Variants in PTK2B observed in about 807,000 individuals in gnomAD.
The protein encoded by PTK2B is protein-tyrosine kinase 2-beta.
PTK2B carries 71 observed loss-of-function variants against 142.9 expected under a neutral mutation model. That is an observed-to-expected ratio of 0.50 (90% CI 0.41 to 0.61). PTK2B has a LOEUF of 0.61. PTK2B is among the 20% of genes least tolerant of loss of function. The probability of loss-of-function intolerance (pLI) is 0.00; values close to 1 mark genes in which losing one functional copy is unlikely to be tolerated. For missense variants in PTK2B, 1,105 were observed against 1,320.4 expected (o/e 0.84, Z 2.53); for synonymous variants, 519 against 503.4 (o/e 1.03, Z -0.42).
rs1586234916 is a variant in PTK2B at position 27,397,831 on chromosome 8, G to C, written c.204+43G>C. 7 of 1,602,914 alleles carry C rather than the reference G, an allele frequency of 4.4e-6. No homozygotes were observed. In the East Asian group the frequency reaches 1.6e-4, roughly 36 times the overall value. ...GCCCTGTCCATCTGTCTGTCCCTCTGTCTTCTTCCTGGGCAGCTGAGCAGC... is the reference window on the plus strand; with the variant it reads ...GCCCTGTCCATCTGTCTGTCCCTCTCTCTTCTTCCTGGGCAGCTGAGCAGC... On this transcript the variant is annotated intron_variant, in intron 2 of 30. Transcript: ENST00000346049.
chr8:27,438,494 C>A (rs2132190432), intron 18 of PTK2B, among the ~76,000 whole-genome samples: 1 of 5,914 alleles, frequency 1.7e-4, no homozygotes, highest in East Asian at 7.5e-4. Flanking sequence ...CTCATGCGAT[C>A]CTGGTATCCT....
exon 1 of PTK2B, chr8:27,311,699 C>G (rs1196721846): frequency 5.8e-6 from 1 of 171,034 alleles, no homozygotes; most frequent in African/African-American, 2.4e-5. Flanking sequence ...GTGGCTGGGT[C>G]TTAAAGCACC....
At chr8:27,328,499 A>G (rs1236684503) in intron 1 of PTK2B, among the ~76,000 whole-genome samples, 3 of 152,202 alleles carry the variant, frequency 2.0e-5, no homozygotes, top group Non-Finnish European at 2.9e-5. Flanking sequence ...TAGGTTAAAA[A>G]TGGTCCTTCT....
chr8:27,342,114 C>T (rs1804438129), intron 1 of PTK2B, among the ~76,000 whole-genome samples: 1 of 152,088 alleles, frequency 6.6e-6, no homozygotes, highest in East Asian at 1.9e-4. Context: ...AGAACCACTG[C>T]AGTGGAGGTC....
intron 2 of PTK2B, among the ~76,000 whole-genome samples, chr8:27,413,895 A>G (rs540337495): frequency 1.3e-5 from 2 of 152,306 alleles, no homozygotes; most frequent in East Asian, 3.9e-4. Flanking sequence ...TTGGCATTCT[A>G]CACAAGGAAG....
At chr8:27,320,426 C>A (rs539723458) in intron 3 of PTK2B, among the ~76,000 whole-genome samples, 1 of 152,278 alleles carries the variant, frequency 6.6e-6, no homozygotes, top group East Asian at 1.9e-4. Context: ...CCCAACTCCC[C>A]ACCCTGCCAC....
chr8:27,311,012 A>T, upstream of PTK2B: 1 of 1,610,864 alleles, frequency 6.2e-7, no homozygotes, highest in Non-Finnish European at 8.5e-7. Context: ...CAGGTTGTTG[A>T]GGGTGTGGTT....
At chr8:27,391,245 T>C (rs4733055) in intron 1 of PTK2B, among the ~76,000 whole-genome samples, 57,683 of 151,884 alleles carry the variant, frequency 0.38, 11,564 homozygotes, top group Middle Eastern at 0.5. Context: ...TACAGGCACG[T>C]GCCACCACAC....
chr8:27,439,437 A>T, intron 20 of PTK2B, 39 bp downstream of exon 20: 1 of 1,577,976 alleles, frequency 6.3e-7, no homozygotes, highest in Non-Finnish European at 8.7e-7. Context: ...AGGTGTTCAG[A>T]TTCTCACTTC....
At chr8:27,373,624 A>G (rs931782933) in intron 1 of PTK2B, among the ~76,000 whole-genome samples, 1 of 152,078 alleles carries the variant, frequency 6.6e-6, no homozygotes, top group South Asian at 2.1e-4. Context: ...GGAGGTTACA[A>G]TGAGCTATGA....
intron 2 of PTK2B, among the ~76,000 whole-genome samples, chr8:27,416,781 G>GA (rs767343996): frequency 3.9e-5 from 6 of 152,046 alleles, no homozygotes; most frequent in Non-Finnish European, 7.4e-5. Flanking sequence ...AAACACAACA[G>GA]AAAAAATGGG....
At chr8:27,335,888 A>G (rs565313842) in intron 1 of PTK2B, among the ~76,000 whole-genome samples, 1 of 152,334 alleles carries the variant, frequency 6.6e-6, no homozygotes, top group African/African-American at 2.4e-5. Flanking sequence ...GCAAGAGCCC[A>G]ATATAAACCA....
At position 27,458,456 on chromosome 8, in the gene PTK2B, G is replaced by T; in HGVS notation, c.2977G>T (p.Ala993Ser). 2 of 1,602,612 alleles carry T rather than the reference G, an allele frequency of 1.2e-6. No individual in the cohort carries two copies. Among genetic ancestry groups the T allele is most frequent in the Non-Finnish European group, 1.7e-6 (2 of 1,174,602 alleles). The change falls in exon 31 of 31, where the codon GCT becomes TCT. Residue 993 changes from alanine (A) to serine (S), a missense_variant. Ala to Ser is a moderately conservative substitution (Grantham distance 99). Coordinates refer to ENST00000346049, the MANE Select transcript of PTK2B (RefSeq NM_173176.3). ...TGTGGACGCCAAGAACCTGCTCGAC[G>T]CTGTGGACCAGGCCAAGGTTCTGGC... Reference protein sequence around the residue: ...LAVDAKNLLDAVDQAKVLANL... With the variant: ...LAVDAKNLLDSVDQAKVLANL...
chr8:27,315,467 C>T (rs1803072936), intron 3 of PTK2B, among the ~76,000 whole-genome samples: 1 of 152,142 alleles, frequency 6.6e-6, no homozygotes, highest in Non-Finnish European at 1.5e-5. Flanking sequence ...ACGCTACACT[C>T]CAGATAGCCC....
Position 27,419,957 on chromosome 8 carries a change from C to T in PTK2B, c.267C>T (p.Cys89=), listed in dbSNP as rs754943552. The change falls in exon 3 of 31, where the codon TGC becomes TGT. Residue 89 remains cysteine, a synonymous_variant. Coordinates refer to ENST00000346049, the MANE Select transcript of PTK2B (RefSeq NM_173176.3). ...RIGPNIRLAE[C]YGLRLKHMKS... is the part of the protein sequence containing the mutation. ...GGCCCAACATCCGGTTGGCTGAGTG[C>T]TATGGGCTGAGGCTGAAGCACATGA... is the stretch of plus-strand genomic sequence containing the variant. 11 of 1,614,090 alleles carry T rather than the reference C, an allele frequency of 6.8e-6. No homozygotes were observed. Among genetic ancestry groups the T allele is most frequent in the East Asian group, 4.5e-5 (2 of 44,888 alleles).
At chr8:27,429,534 A>G (rs914362412) in intron 5 of PTK2B, among the ~76,000 whole-genome samples, 2 of 152,232 alleles carry the variant, frequency 1.3e-5, no homozygotes, top group Non-Finnish European at 2.9e-5. Context: ...GGGAAATGAG[A>G]CTTAAATAAT....
intron 2 of PTK2B, among the ~76,000 whole-genome samples, chr8:27,400,374 C>G (rs895975565): frequency 2.0e-5 from 3 of 151,346 alleles, no homozygotes; most frequent in Non-Finnish European, 2.9e-5. Flanking sequence ...CCTTTTAAAC[C>G]ACTAGATCTC....
At chr8:27,390,645 AATT>A (rs1454461676) in intron 1 of PTK2B, among the ~76,000 whole-genome samples, 11 of 152,258 alleles carry the variant, frequency 7.2e-5, no homozygotes, top group Non-Finnish European at 1.3e-4. Flanking sequence ...TATCTCTAAA[AATT>A]AATAATAATT....
intron 1 of PTK2B, among the ~76,000 whole-genome samples, chr8:27,375,456 A>AG (rs1806608064): frequency 6.6e-6 from 1 of 152,122 alleles, no homozygotes; most frequent in Non-Finnish European, 1.5e-5. Flanking sequence ...AAAGCATGCC[A>AG]TCATCATTTC....
Sources: gnomAD v4.1 joint callset for allele counts (sites outside exome capture counted in the v4.1 genomes callset) on GRCh38, gnomAD v4.1.1 for gene constraint, MANE v1.5 for transcripts, NCBI Gene and HGNC (gene_info 2026-07-23, HGNC 2026-07-21) for gene names.